CCDC172: variants seen among roughly 807,000 people sequenced by gnomAD.
CCDC172 encodes coiled-coil domain containing 172.
CCDC172 carries 30 observed loss-of-function variants against 38.0 expected under a neutral mutation model. The observed-to-expected ratio is 0.79, with a 90% confidence interval of 0.59 to 1.07. The LOEUF (loss-of-function observed/expected upper bound fraction) is 1.07. Among genes scored for constraint, CCDC172 ranks in the 50% least tolerant of loss-of-function variants. CCDC172 has a pLI of 0.00. For missense variants in CCDC172, 297 were observed against 290.1 expected (o/e 1.02, Z -0.17); for synonymous variants, 78 against 88.3 (o/e 0.88, Z 0.66).
chr10:116,348,889 A>G (rs1056654292), intron 5 of CCDC172, among the ~76,000 whole-genome samples: 2 of 151,858 alleles, frequency 1.3e-5, no homozygotes, highest in African/African-American at 2.4e-5. Flanking sequence ...TGGGTCCCCA[A>G]CCCCTGGGCC....
chr10:116,325,985 C>A (rs1277859528), intron 3 of CCDC172, among the ~76,000 whole-genome samples: 1 of 152,138 alleles, frequency 6.6e-6, no homozygotes, highest in Admixed American at 6.5e-5. Context: ...AGGAGGAAAG[C>A]GTTCCAGACA....
rs146241310 is a variant in CCDC172, at chr10:116,350,184, G to A, written c.449-7196G>A. Reference sequence around the variant, plus strand: ...GAAGTGAGATGAGAAGCCATTGGAGGACTTAAGCAAAAGAGCGAAGGGTCT... The same window carrying A: ...GAAGTGAGATGAGAAGCCATTGGAGAACTTAAGCAAAAGAGCGAAGGGTCT... On this transcript the variant is annotated intron_variant, in intron 5 of 8. Coordinates refer to ENST00000333254, the MANE Select transcript of CCDC172 (RefSeq NM_198515.3). Among the ~76,000 whole-genome samples, 890 of 152,260 alleles carry A rather than the reference G, an allele frequency of 5.8e-3. 11 individuals carry two copies. The highest frequency in any genetic ancestry group is 0.018 in the African/African-American group (748 of 41,562).
chr10:116,355,901 A>G (rs1162928098), intron 5 of CCDC172, among the ~76,000 whole-genome samples: 2 of 152,146 alleles, frequency 1.3e-5, no homozygotes, highest in Admixed American at 1.3e-4. Flanking sequence ...ATATAATGGT[A>G]ATTGGATGCA....
At chr10:116,364,155 G>C (rs142117383) in intron 7 of CCDC172, among the ~76,000 whole-genome samples, 1 of 151,980 alleles carries the variant, frequency 6.6e-6, no homozygotes, top group African/African-American at 2.4e-5. Flanking sequence ...ACTTTGTACC[G>C]TACAGTAGGC....
intron 7 of CCDC172, among the ~76,000 whole-genome samples, chr10:116,367,864 G>C (rs1465394493): frequency 6.6e-6 from 1 of 150,724 alleles, no homozygotes; most frequent in Non-Finnish European, 1.5e-5. Context: ...TTATATCTAG[G>C]AACCAATTGA....
chr10:116,371,838 G>A (rs1032271184), intron 7 of CCDC172, among the ~76,000 whole-genome samples: 12 of 152,016 alleles, frequency 7.9e-5, no homozygotes, highest in African/African-American at 2.9e-4. Flanking sequence ...TCAAAACACT[G>A]CAACTGTCTC....
chr10:116,357,966 T>A, intron 7 of CCDC172, 28 bp downstream of exon 7: 1 of 1,216,816 alleles, frequency 8.2e-7, no homozygotes. Flanking sequence ...TATTTTGGCC[T>A]AAATCAGGTA....
intron 5 of CCDC172, among the ~76,000 whole-genome samples, chr10:116,347,760 C>T (rs1164058872): frequency 1.3e-5 from 2 of 151,990 alleles, no homozygotes; most frequent in African/African-American, 2.4e-5. Context: ...TATTGGAAAA[C>T]AAAGACAAAA....
intron 3 of CCDC172, among the ~76,000 whole-genome samples, chr10:116,334,946 C>G (rs1844711050): frequency 6.6e-6 from 1 of 151,574 alleles, no homozygotes; most frequent in Admixed American, 6.6e-5. Context: ...GTATATTTAC[C>G]TATTTCTATC....
At chr10:116,370,122 G>C (rs1845169529) in intron 7 of CCDC172, among the ~76,000 whole-genome samples, 1 of 150,804 alleles carries the variant, frequency 6.6e-6, no homozygotes, top group African/African-American at 2.4e-5. Context: ...TGACATATGT[G>C]GCAAATATTT....
Position 116,342,201 on chromosome 10 carries a change from G to A in CCDC172, c.448G>A (p.Glu150Lys), listed in dbSNP as rs1844804648. ...LENQANMLKS[E>K]MKSMEHDSSQ... The stretch of plus-strand genomic sequence containing the variant: ...AAACCAAGCAAACATGTTGAAAAGT[G>A]GTATGAATAAATATCACCTCATTTG... Residue 150 changes from glutamate (E) to lysine (K), a missense_variant and splice_region_variant, in exon 5 of 9, where the codon GAA (glutamate) becomes AAA (lysine). By Grantham distance (56) the Glu-to-Lys change is moderately conservative (BLOSUM62 1). Coordinates refer to ENST00000333254, the MANE Select transcript of CCDC172 (RefSeq NM_198515.3). 3.9e-6 allele frequency: 6 copies of A among 1,521,628 alleles called. No individual in the cohort carries two copies. Among genetic ancestry groups the A allele is most frequent in the Non-Finnish European group, 4.4e-6 (5 of 1,145,810 alleles). The allele number at this position is 1,521,628 out of a possible 1,614,324, so 94.3% of individuals were successfully genotyped here.
At chr10:116,366,156 T>C (rs1183717153) in intron 7 of CCDC172, among the ~76,000 whole-genome samples, 1 of 152,152 alleles carries the variant, frequency 6.6e-6, no homozygotes, top group Non-Finnish European at 1.5e-5. Context: ...AGTATACTAA[T>C]ATAATGAGCA....
intron 5 of CCDC172, among the ~76,000 whole-genome samples, chr10:116,356,210 A>C (rs1188346463): frequency 6.6e-6 from 1 of 151,966 alleles, no homozygotes; most frequent in African/African-American, 2.4e-5. Flanking sequence ...AGCACCTGTA[A>C]TCGCAGCTGC....
intron 2 of CCDC172, 99 bp downstream of exon 2, chr10:116,325,189 G>A: frequency 6.8e-7 from 1 of 1,480,652 alleles, no homozygotes; most frequent in South Asian, 1.2e-5. Context: ...GAGCCGTTAG[G>A]GGAGCTTGCA....
chr10:116,355,450 C>G (rs1844984649), intron 5 of CCDC172, among the ~76,000 whole-genome samples: 1 of 152,032 alleles, frequency 6.6e-6, no homozygotes, highest in African/African-American at 2.4e-5. Flanking sequence ...GTTCTCACAA[C>G]AACATAATCA....
intron 7 of CCDC172, among the ~76,000 whole-genome samples, chr10:116,367,212 A>G (rs1182012623): frequency 6.6e-6 from 1 of 152,128 alleles, no homozygotes; most frequent in Non-Finnish European, 1.5e-5. Context: ...TTGGTTAACA[A>G]TATTCTATTG....
intron 5 of CCDC172, among the ~76,000 whole-genome samples, chr10:116,351,668 A>G (rs891493462): frequency 6.6e-6 from 1 of 152,182 alleles, no homozygotes; most frequent in South Asian, 2.1e-4. Context: ...CACAACTAAA[A>G]GACTGGAGAA....
rs149374712 is a variant in CCDC172 at position 116,365,805 on chromosome 10, C to T, written c.653+7867C>T. Among the ~76,000 whole-genome samples, 891 of 152,110 alleles carry T rather than the reference C, an allele frequency of 5.9e-3. 11 individuals are homozygous for T. Among genetic ancestry groups the T allele is most frequent in the African/African-American group, 0.018 (750 of 41,514 alleles). ...TATAAGACTGCACTTTTTATTCCAC[C>T]TTTTCTATGTTTAGATACACACATA... On this transcript the variant is annotated intron_variant, in intron 7 of 8. Transcript: ENST00000333254.
chr10:116,333,178 G>A (rs1435479979), intron 3 of CCDC172, among the ~76,000 whole-genome samples: 1 of 151,658 alleles, frequency 6.6e-6, no homozygotes, highest in Non-Finnish European at 1.5e-5. Flanking sequence ...TATCTCTTCT[G>A]TTAACAGTAT....
Sources: gnomAD v4.1 joint callset for allele counts (sites outside exome capture counted in the v4.1 genomes callset) on GRCh38, gnomAD v4.1.1 for gene constraint, MANE v1.5 for transcripts, NCBI Gene and HGNC (gene_info 2026-07-23, HGNC 2026-07-21) for gene names.